Variants in C2CD2 observed in about 807,000 individuals in gnomAD.
C2CD2 encodes C2 domain-containing protein 2.
Under a neutral mutation model 74.3 loss-of-function variants are expected in C2CD2, and 43 were observed. That is an observed-to-expected ratio of 0.58 (90% CI 0.45 to 0.75). The LOEUF is 0.75. Ranked by LOEUF, C2CD2 falls within the 30% of genes least tolerant of loss-of-function variation. C2CD2 has a pLI of 0.00. For synonymous variants in C2CD2, 422 were observed against 390.7 expected (o/e 1.08, Z -0.94); for missense variants, 801 against 916.3 (o/e 0.87, Z 1.63).
rs1052444161 is a variant in C2CD2, at chr21:41,945,158, G to T, written c.280-2913C>A. On this transcript the variant is annotated intron_variant, in intron 1 of 13. Transcript: ENST00000380486. The surrounding 1 kb of genome is among the most constrained non-coding windows in gnomAD (Gnocchi z 4.2). ...GTGCAATGTCTTACTCTTGGAGAAG[G>T]GAGTTAAGAATAAGAAAGTGAAAAA... Among the ~76,000 whole-genome samples, 4 of 152,164 alleles carry T rather than the reference G, an allele frequency of 2.6e-5. No homozygotes were observed. The highest frequency in any genetic ancestry group is 9.7e-5 in the African/African-American group (4 of 41,428).
At chr21:41,897,881 G>A (rs117224615) in intron 13 of C2CD2, among the ~76,000 whole-genome samples, 108 of 152,316 alleles carry the variant, frequency 7.1e-4, no homozygotes, top group Non-Finnish European at 1.3e-3. Flanking sequence ...TTGTGGGGGC[G>A]TGTCCTGTGC....
intron 13 of C2CD2, among the ~76,000 whole-genome samples, chr21:41,897,276 A>G (rs1404503741): frequency 6.6e-6 from 1 of 152,186 alleles, no homozygotes; most frequent in Non-Finnish European, 1.5e-5. Context: ...TTCAGAAGGA[A>G]TGAGGAGGGC....
At chr21:41,901,815 G>A in intron 11 of C2CD2, 66 bp from the exon 12 acceptor site, 3 of 1,418,234 alleles carry the variant, frequency 2.1e-6, no homozygotes, top group Non-Finnish European at 2.0e-6. Flanking sequence ...GAACTTCCAG[G>A]GATAATGGAA....
chr21:41,945,397 C>T lies in C2CD2; in HGVS notation c.280-3152G>A, dbSNP rs1175701288. On this transcript the variant is annotated intron_variant, in intron 1 of 13. Transcript: ENST00000380486. The surrounding 1 kb of genome is among the most constrained non-coding windows in gnomAD (Gnocchi z 4.2). ...TAATGCCTAGGTCTTGGTTTCTAAA[C>T]ACTTCTCCAATAAAAGGAATCAGGG... Among the ~76,000 whole-genome samples, 3 of 151,970 alleles carry T rather than the reference C, an allele frequency of 2.0e-5. No homozygotes were observed. The highest frequency in any genetic ancestry group is 1.9e-4 in the East Asian group (1 of 5,198).
rs772135171 is a variant in C2CD2, at chr21:41,918,214, T to G, written c.611A>C (p.Glu204Ala). Residue 204 changes from glutamate to alanine, a missense_variant, in exon 5 of 14, where the codon GAG becomes GCG. Coordinates refer to ENST00000380486, the MANE Select transcript of C2CD2 (RefSeq NM_015500.2). ...PKALGEDQVAETSAMSDVLKD... is the reference protein window; with the variant it reads ...PKALGEDQVAATSAMSDVLKD... ...GAGAACGTCAGACATCGCACTTGTC[T>G]CAGCCACCTGGTCCTGGTGAAAGAG... 6 of 1,614,014 alleles carry G rather than the reference T, an allele frequency of 3.7e-6. No homozygotes were observed. The East Asian group carries it at 1.3e-4, about 36-fold the overall frequency.
intron 3 of C2CD2, among the ~76,000 whole-genome samples, chr21:41,919,518 A>G (rs761093820): frequency 6.6e-6 from 1 of 152,162 alleles, no homozygotes; most frequent in Non-Finnish European, 1.5e-5. Context: ...TTTAACATAA[A>G]TAGTTTGCTG....
Position 41,945,299 on chromosome 21 carries a change from G to A in C2CD2, c.280-3054C>T, listed in dbSNP as rs1273309803. Among the ~76,000 whole-genome samples the A allele has an allele frequency of 6.6e-6, 1 of 152,114 alleles. No individual in the cohort carries two copies. Among genetic ancestry groups the A allele is most frequent in the Non-Finnish European group, 1.5e-5 (1 of 68,030 alleles). Reference sequence around the variant, plus strand: ...AATATAGACATGCGCACACACGTTGGTATACACACGTATGTTTGCTATTGC... The same window carrying A: ...AATATAGACATGCGCACACACGTTGATATACACACGTATGTTTGCTATTGC... On this transcript the variant is annotated intron_variant, in intron 1 of 13. Transcript: ENST00000380486. This position sits in a 1 kb window ranked among gnomAD's most constrained non-coding sequence, Gnocchi z 4.2.
intron 4 of C2CD2, 30 bp downstream of exon 4, chr21:41,918,826 T>C (rs1473550896): frequency 2.6e-6 from 4 of 1,547,306 alleles, no homozygotes; most frequent in Non-Finnish European, 3.6e-6. Context: ...CTCACGCCAA[T>C]GGAAGAATCA....
rs372793 is a variant in C2CD2, at chr21:41,903,822, C to G, written c.1432+1902G>C. Among the ~76,000 whole-genome samples the G allele has an allele frequency of 0.072, 10,914 of 152,160 alleles. 573 individuals carry two copies. Among genetic ancestry groups the G allele is most frequent in the South Asian group, 0.15 (723 of 4,816 alleles). On this transcript the variant is annotated intron_variant, in intron 11 of 13. Transcript: ENST00000380486. The surrounding 1 kb of genome is among the most constrained non-coding windows in gnomAD (Gnocchi z 4.5). Reference sequence around the variant, plus strand: ...GCATCAGAACCCACAGTGGGAACATCAGCCTAGGTCTTTTAAGAGGGATCC... The same window carrying G: ...GCATCAGAACCCACAGTGGGAACATGAGCCTAGGTCTTTTAAGAGGGATCC...
chr21:41,891,095 C>T (rs1004620872), intron 13 of C2CD2, among the ~76,000 whole-genome samples: 3 of 151,656 alleles, frequency 2.0e-5, no homozygotes, highest in African/African-American at 4.9e-5. Flanking sequence ...AGCCTGTGTG[C>T]AGGGGCTTCG....
chr21:41,929,102 TA>T lies in C2CD2; in HGVS notation c.379-7018del, dbSNP rs398061772. Among the ~76,000 whole-genome samples, 1,169 of 138,220 alleles carry T rather than the reference TA, an allele frequency of 8.5e-3. 2 individuals carry two copies. Among genetic ancestry groups the T allele is most frequent in the African/African-American group, 0.012 (450 of 38,050 alleles). The allele number at this position is 138,220 out of a possible 152,430, so 90.7% of individuals were successfully genotyped here. ...CCACCTCTAAAAAATATTTAAAAAG[TA>T]AAAAAAAAAAAAAGTAATAAAAATG... On this transcript the variant is annotated intron_variant, in intron 2 of 13. Coordinates refer to ENST00000380486, the MANE Select transcript of C2CD2 (RefSeq NM_015500.2). This position sits in a 1 kb window ranked among gnomAD's most constrained non-coding sequence, Gnocchi z 4.6.
intron 7 of C2CD2, among the ~76,000 whole-genome samples, chr21:41,910,071 C>T (rs1376427204): frequency 6.6e-6 from 1 of 151,434 alleles, no homozygotes; most frequent in Non-Finnish European, 1.5e-5. Context: ...TGAGCTCAAG[C>T]CATCCTCCCA....
In C2CD2 at chr21:41,926,925, C is replaced by T. The variant is rs2065218872; in HGVS notation, c.379-4840G>A. On this transcript the variant is annotated intron_variant, in intron 2 of 13. Coordinates refer to ENST00000380486, the MANE Select transcript of C2CD2 (RefSeq NM_015500.2). This position sits in a 1 kb window ranked among gnomAD's most constrained non-coding sequence, Gnocchi z 8.0. ...AAAGAACTCCCAAATAAAAGGAAGG[C>T]AAAGACCCTTCAGTAATCATCTGGA... is the stretch of plus-strand genomic sequence containing the variant. Among the ~76,000 whole-genome samples, 1 of 152,184 alleles carries T rather than the reference C, an allele frequency of 6.6e-6. No individual in the cohort carries two copies. The highest frequency in any genetic ancestry group is 2.4e-5 in the African/African-American group (1 of 41,440).
At position 41,927,152 on chromosome 21, in the gene C2CD2, G is replaced by A. The variant is rs376718926; in HGVS notation, c.379-5067C>T. Among the ~76,000 whole-genome samples the A allele has an allele frequency of 9.4e-4, 143 of 152,184 alleles. 2 individuals carry two copies. The Middle Eastern group carries it at 0.037, about 40-fold the overall frequency. On this transcript the variant is annotated intron_variant, in intron 2 of 13. Transcript: ENST00000380486. ...GTTTGCCCACTAATTCAAAATAAAC[G>A]GCTAAAGATGTATTTTTATTTATTT...
intron 2 of C2CD2, among the ~76,000 whole-genome samples, chr21:41,941,231 C>A (rs543669704): frequency 1.3e-5 from 2 of 152,104 alleles, no homozygotes; most frequent in South Asian, 2.1e-4. Flanking sequence ...CACGGTGACA[C>A]GTGCCTGTAG....
At chr21:41,905,669 C>G (rs2064952229) in intron 11 of C2CD2, 55 bp downstream of exon 11, 3 of 913,048 alleles carry the variant, frequency 3.3e-6, no homozygotes, top group Non-Finnish European at 5.3e-6. Flanking sequence ...ATCAGAACAG[C>G]CCAAAAGGCC....
rs1569064822 is a variant in C2CD2 at position 41,909,498 on chromosome 21, A to AC, written c.978dup (p.Leu327ValfsTer27). 1 of 1,613,626 alleles carries AC rather than the reference A, an allele frequency of 6.2e-7. No homozygotes were observed. ...CCAGCCTCTGAAATCTGCAGGTGTAACTCCTTCGACTTGGCATTCAACTCG... is the reference window on the plus strand; with the variant it reads ...CCAGCCTCTGAAATCTGCAGGTGTAACCTCCTTCGACTTGGCATTCAACTCG... On this transcript the variant is annotated frameshift_variant, in exon 8 of 14. Coordinates refer to ENST00000380486, the MANE Select transcript of C2CD2 (RefSeq NM_015500.2). LOFTEE classifies it high-confidence loss of function.
intron 7 of C2CD2, among the ~76,000 whole-genome samples, chr21:41,910,340 CAT>C (rs1434972457): frequency 3.9e-5 from 6 of 152,128 alleles, no homozygotes; most frequent in Admixed American, 2.6e-4. Flanking sequence ...CATTCTTACC[CAT>C]ATATCTTTGC....
In C2CD2 at chr21:41,929,078, C is replaced by T. The variant is rs376090643; in HGVS notation, c.379-6993G>A. 3.4e-4 allele frequency among the ~76,000 whole-genome samples: 51 copies of T among 151,240 alleles called. No individual in the cohort carries two copies. The South Asian group carries it at 0.011, about 32-fold the overall frequency. ...GAGCCTGGGCAATATAGTGAGATCCCACCTCTAAAAAATATTTAAAAAGTA... is the reference window on the plus strand; with the variant it reads ...GAGCCTGGGCAATATAGTGAGATCCTACCTCTAAAAAATATTTAAAAAGTA... On this transcript the variant is annotated intron_variant, in intron 2 of 13. Coordinates refer to ENST00000380486, the MANE Select transcript of C2CD2 (RefSeq NM_015500.2). The surrounding 1 kb of genome is among the most constrained non-coding windows in gnomAD (Gnocchi z 4.6).
Sources: gnomAD v4.1 joint callset for allele counts (sites outside exome capture counted in the v4.1 genomes callset) on GRCh38, gnomAD v4.1.1 for gene constraint, Gnocchi (gnomAD v3.1) non-coding constraint, MANE v1.5 for transcripts, NCBI Gene and HGNC (gene_info 2026-07-23, HGNC 2026-07-21) for gene names.